Variants in ZNF385D observed in about 807,000 individuals in gnomAD.
The protein encoded by ZNF385D is zinc finger protein 659.
A neutral mutation model predicts 35.8 loss-of-function variants in ZNF385D; 15 were observed. The observed-to-expected ratio is 0.42, with a 90% CI of 0.28 to 0.64. ZNF385D has a LOEUF of 0.64. Among genes scored for constraint, ZNF385D ranks in the 30% least tolerant of loss-of-function variants. The pLI, the probability that ZNF385D is intolerant of heterozygous loss-of-function variation, is 0.23. For synonymous variants in ZNF385D, 212 were observed against 186.8 expected, an observed-to-expected ratio of 1.13 and a Z score of -1.10; for missense variants, 474 against 494.6, an observed-to-expected ratio of 0.96 and a Z score of 0.39.
chr3:21,983,048 T>G (rs909125507), intron 3 of ZNF385D, among the ~76,000 whole-genome samples: 1 of 151,952 alleles, frequency 6.6e-6, no homozygotes, highest in African/African-American at 2.4e-5. Flanking sequence ...GGGCTGAAGT[T>G]TTCTTTTTTT....
chr3:21,534,295 GA>G (rs1163217541), intron 3 of ZNF385D, among the ~76,000 whole-genome samples: 2 of 151,978 alleles, frequency 1.3e-5, no homozygotes, highest in Non-Finnish European at 2.9e-5. Context: ...GTGCAAAACT[GA>G]AACATTCATC....
chr3:21,796,934 C>G (rs1024410098), intron 3 of ZNF385D, among the ~76,000 whole-genome samples: 1 of 152,172 alleles, frequency 6.6e-6, no homozygotes, highest in African/African-American at 2.4e-5. Context: ...GATCCTTCCC[C>G]CTGCCCATAC....
intron 2 of ZNF385D, among the ~76,000 whole-genome samples, chr3:22,355,049 T>C (rs1022537057): frequency 3.3e-5 from 5 of 152,046 alleles, no homozygotes; most frequent in Non-Finnish European, 7.4e-5. Context: ...AAATTATACA[T>C]TTGTTTGTGA....
At chr3:22,077,822 T>C (rs764998196) in intron 3 of ZNF385D, among the ~76,000 whole-genome samples, 1 of 151,856 alleles carries the variant, frequency 6.6e-6, no homozygotes, top group Admixed American at 6.6e-5. Flanking sequence ...TTTTAAGTAA[T>C]AGGTGTGTTA....
intron 2 of ZNF385D, among the ~76,000 whole-genome samples, chr3:22,173,145 T>C (rs1020595216): frequency 2.0e-4 from 31 of 152,086 alleles, no homozygotes; most frequent in African/African-American, 7.5e-4. Flanking sequence ...CTGACCAATA[T>C]GCAAAACTGT....
At chr3:22,006,846 A>C (rs1338834819) in intron 3 of ZNF385D, among the ~76,000 whole-genome samples, 3 of 152,090 alleles carry the variant, frequency 2.0e-5, no homozygotes, top group Non-Finnish European at 4.4e-5. Flanking sequence ...GATAAGTAGA[A>C]ACTGATACAA....
At chr3:22,021,411 A>G (rs747689311) in intron 3 of ZNF385D, among the ~76,000 whole-genome samples, 2 of 152,034 alleles carry the variant, frequency 1.3e-5, no homozygotes, top group Non-Finnish European at 2.9e-5. Context: ...AGAAACAAAG[A>G]ATAGTGACCC....
chr3:22,151,130 C>T (rs1705204620), intron 3 of ZNF385D, among the ~76,000 whole-genome samples: 2 of 152,104 alleles, frequency 1.3e-5, no homozygotes, highest in South Asian at 4.1e-4. Flanking sequence ...ATGGAGAATA[C>T]TGGAAAGGAC....
intron 2 of ZNF385D, among the ~76,000 whole-genome samples, chr3:22,177,119 A>C (rs553071116): frequency 6.6e-6 from 1 of 152,182 alleles, no homozygotes; most frequent in South Asian, 2.1e-4. Context: ...ATCCCCCTGG[A>C]GTTATGCCAC....
intron 2 of ZNF385D, among the ~76,000 whole-genome samples, chr3:22,356,959 T>C (rs1326189100): frequency 6.6e-6 from 1 of 151,940 alleles, no homozygotes; most frequent in Non-Finnish European, 1.5e-5. Context: ...AAATACCCTA[T>C]CTTCAGAATG....
In ZNF385D at chr3:21,681,246, T is replaced by C. The variant is rs2066890453; in HGVS notation, c.23-16218A>G. 2.8e-5 allele frequency among the ~76,000 whole-genome samples: 4 copies of C among 144,302 alleles called. No homozygotes were observed. The South Asian group carries it at 6.7e-4, about 24-fold the overall frequency. The allele number at this position is 144,302 out of a possible 152,430, so 94.7% of individuals were successfully genotyped here. On this transcript the variant is annotated intron_variant, in intron 1 of 7. Transcript: ENST00000281523. ...ACCTTCTGACAAAAAAAATTATTTT[T>C]ATTTTAAATAAGTCATAGATTCAGA...
intron 1 of ZNF385D, among the ~76,000 whole-genome samples, chr3:21,703,355 G>A (rs191812227): frequency 7.6e-4 from 115 of 152,178 alleles, no homozygotes; most frequent in Non-Finnish European, 1.4e-3. Context: ...ACCTCCCCCT[G>A]GGTCCCTCCT....
intron 3 of ZNF385D, among the ~76,000 whole-genome samples, chr3:22,091,661 A>C (rs1016874598): frequency 6.6e-6 from 1 of 152,118 alleles, no homozygotes; most frequent in Non-Finnish European, 1.5e-5. Flanking sequence ...CCTATTTCCT[A>C]AGTCAGTCCA....
intron 2 of ZNF385D, among the ~76,000 whole-genome samples, chr3:22,170,193 T>C (rs1559425003): frequency 6.6e-6 from 1 of 152,208 alleles, no homozygotes; most frequent in Non-Finnish European, 1.5e-5. Flanking sequence ...ATGATTTTAA[T>C]GTGCATTTAT....
intron 2 of ZNF385D, among the ~76,000 whole-genome samples, chr3:22,198,992 C>T (rs947300027): frequency 6.6e-6 from 1 of 152,030 alleles, no homozygotes; most frequent in Non-Finnish European, 1.5e-5. Context: ...TCCACATCTA[C>T]TACTGTTTAA....
chr3:22,046,126 T>C (rs759057105), intron 3 of ZNF385D, among the ~76,000 whole-genome samples: 3 of 152,120 alleles, frequency 2.0e-5, no homozygotes, highest in Non-Finnish European at 4.4e-5. Flanking sequence ...GACAGTGCTG[T>C]GGGCAGCAGG....
At chr3:21,437,713 A>C (rs1462034168) in intron 4 of ZNF385D, among the ~76,000 whole-genome samples, 1 of 149,146 alleles carries the variant, frequency 6.7e-6, no homozygotes, top group Non-Finnish European at 1.5e-5. Flanking sequence ...AAAAAAAAAA[A>C]AAAAAACCGG....
chr3:21,512,289 G>A (rs1405110561), intron 3 of ZNF385D, among the ~76,000 whole-genome samples: 3 of 151,974 alleles, frequency 2.0e-5, no homozygotes, highest in African/African-American at 4.8e-5. Context: ...CTTAACTTAG[G>A]TTTTCCAGGT....
At chr3:21,551,487 T>G (rs372470607) in intron 3 of ZNF385D, among the ~76,000 whole-genome samples, 2 of 152,350 alleles carry the variant, frequency 1.3e-5, no homozygotes, top group African/African-American at 4.8e-5. Context: ...TTATATATCC[T>G]TAGTTTGGAA....
Sources: allele counts gnomAD v4.1 joint callset (sites outside exome capture counted in the v4.1 genomes callset), GRCh38; gene constraint gnomAD v4.1.1; transcripts MANE v1.5; gene names NCBI Gene and HGNC (gene_info 2026-07-23, HGNC 2026-07-21).